KPNA6: variants seen among roughly 807,000 people sequenced by gnomAD.
The protein encoded by KPNA6 is karyopherin subunit alpha 6, also known as importin subunit alpha-7.
In KPNA6, 9 loss-of-function variants were observed where a neutral mutation model predicts 72.0. That is an observed-to-expected ratio of 0.13 (90% CI 0.08 to 0.22). The LOEUF is 0.22. Ranked by LOEUF, KPNA6 falls within the 10% of genes least tolerant of loss-of-function variation. The pLI, the probability that KPNA6 is intolerant of heterozygous loss-of-function variation, is 1.00. For missense variants in KPNA6, 374 were observed against 655.7 expected (o/e 0.57, Z 4.69); for synonymous variants, 219 against 242.1 (o/e 0.90, Z 0.89).
chr1:32,173,291 A>G lies in KPNA6; in HGVS notation c.*2397A>G, dbSNP rs1413861463. 4 of 392,206 alleles carry G rather than the reference A, an allele frequency of 1.0e-5. No homozygotes were observed. Among genetic ancestry groups the G allele is most frequent in the African/African-American group, 2.1e-5 (1 of 48,542 alleles). The allele number at this position is 392,206 out of a possible 1,614,324, so 24.3% of individuals were successfully genotyped here. On this transcript the variant is annotated 3_prime_UTR_variant, in exon 14 of 14. Transcript: ENST00000373625. ...CTCAAGTAAGAGTTAAGTCCCTGAT[A>G]CAGGGACCAGTTTCTTAGTGTAAGA...
At chr1:32,150,444 T>C (rs1165594201) in intron 1 of KPNA6, among the ~76,000 whole-genome samples, 4 of 151,992 alleles carry the variant, frequency 2.6e-5, no homozygotes, top group African/African-American at 4.8e-5. Context: ...ATTTTTAGTC[T>C]TTGCTTGTAA....
chr1:32,133,024 G>A (rs889135074), intron 1 of KPNA6, among the ~76,000 whole-genome samples: 3 of 152,010 alleles, frequency 2.0e-5, no homozygotes, highest in African/African-American at 4.8e-5. Flanking sequence ...TGTGAGCCAC[G>A]GTGCCTGGCC....
intron 1 of KPNA6, among the ~76,000 whole-genome samples, chr1:32,135,634 T>TG (rs1641721023): frequency 9.0e-6 from 1 of 111,182 alleles, no homozygotes; most frequent in East Asian, 3.6e-4. Flanking sequence ...TGCTTGGCCA[T>TG]TTTTTTTTTT....
intron 2 of KPNA6, among the ~76,000 whole-genome samples, chr1:32,156,421 T>C (rs930668202): frequency 6.6e-6 from 1 of 152,228 alleles, no homozygotes; most frequent in Admixed American, 6.5e-5. Context: ...TTTGTGGCTA[T>C]TACTAAGTAA....
At chr1:32,119,862 A>C (rs952186098) in intron 1 of KPNA6, among the ~76,000 whole-genome samples, 7 of 151,098 alleles carry the variant, frequency 4.6e-5, no homozygotes, top group African/African-American at 1.7e-4. Flanking sequence ...CTCCTGCCTC[A>C]GCCTCCCAAG....
rs71006334 is a variant in KPNA6 at position 32,141,375 on chromosome 1, C to CTTTTTTTTTTTTTTTTT, written c.5-13189_5-13173dup. Among the ~76,000 whole-genome samples, 16 of 54,478 alleles carry CTTTTTTTTTTTTTTTTT rather than the reference C, an allele frequency of 2.9e-4. 4 individuals are homozygous for CTTTTTTTTTTTTTTTTT. Among genetic ancestry groups the CTTTTTTTTTTTTTTTTT allele is most frequent in the South Asian group, 4.5e-4 (1 of 2,222 alleles). The allele number at this position is 54,478 out of a possible 152,430, so 35.7% of individuals were successfully genotyped here. On this transcript the variant is annotated intron_variant, in intron 1 of 13. Transcript: ENST00000373625. ...AGGGCTTTTTTTTTTTAAGTTAATC[C>CTTTTTTTTTTTTTTTTT]TTTTTTTTTTTTTTTTTTTTTTTTT...
chr1:32,117,372 C>T (rs1641345159), intron 1 of KPNA6, among the ~76,000 whole-genome samples: 1 of 151,966 alleles, frequency 6.6e-6, no homozygotes, highest in Non-Finnish European at 1.5e-5. Context: ...TGGGGTTTTA[C>T]CATCTTGGCC....
At chr1:32,170,111 A>G (rs768897741) in intron 13 of KPNA6, 51 bp downstream of exon 13, 6 of 1,522,496 alleles carry the variant, frequency 3.9e-6, no homozygotes, top group Non-Finnish European at 5.4e-6. Flanking sequence ...GTAGGCCTCC[A>G]ACGTGGTATA....
intron 1 of KPNA6, among the ~76,000 whole-genome samples, chr1:32,111,449 T>C (rs1222068758): frequency 2.0e-5 from 3 of 152,220 alleles, no homozygotes; most frequent in African/African-American, 7.2e-5. Flanking sequence ...ACTTCCTCTT[T>C]CCAGCTCCAT....
At chr1:32,159,632 G>A (rs1350528743) in intron 6 of KPNA6, 101 bp downstream of exon 6, 2 of 1,345,326 alleles carry the variant, frequency 1.5e-6, no homozygotes, top group Non-Finnish European at 2.0e-6. Flanking sequence ...AAAACTCTTG[G>A]AATTTCCTGA....
At chr1:32,166,295 T>C (rs1286105622) in intron 11 of KPNA6, 65 bp downstream of exon 11, 9 of 1,539,052 alleles carry the variant, frequency 5.8e-6, no homozygotes, top group Non-Finnish European at 7.9e-6. Context: ...TGTTGGAATA[T>C]TTGCTTTCAG....
At chr1:32,122,000 G>A (rs1264052289) in intron 1 of KPNA6, among the ~76,000 whole-genome samples, 5 of 151,220 alleles carry the variant, frequency 3.3e-5, no homozygotes, top group Admixed American at 1.3e-4. Context: ...GAGGCTGGGC[G>A]CGGTGGCTCA....
At position 32,162,537 on chromosome 1, in the gene KPNA6, A is replaced by T; in HGVS notation, c.911+13A>T. 1 of 1,613,384 alleles carries T rather than the reference A, an allele frequency of 6.2e-7. No homozygotes were observed. Among genetic ancestry groups the T allele is most frequent in the Non-Finnish European group, 8.5e-7 (1 of 1,179,946 alleles). On this transcript the variant is annotated intron_variant, in intron 9 of 13. Coordinates refer to ENST00000373625, the MANE Select transcript of KPNA6 (RefSeq NM_012316.5). ...TAGAGCTGCTGATGTGAGTGGTCTT[A>T]GAAGGGGTACAGGTTCTGGCTGGGC...
intron 1 of KPNA6, among the ~76,000 whole-genome samples, chr1:32,142,610 T>A (rs1035275612): frequency 1.3e-5 from 2 of 152,174 alleles, no homozygotes; most frequent in African/African-American, 2.4e-5. Flanking sequence ...ACATTAGACA[T>A]TCCCTAGAAA....
chr1:32,144,366 A>G (rs1641894674), intron 1 of KPNA6, among the ~76,000 whole-genome samples: 1 of 152,258 alleles, frequency 6.6e-6, no homozygotes, highest in South Asian at 2.1e-4. Flanking sequence ...AATTGTTTTT[A>G]TCTGGAAATT....
At chr1:32,144,986 A>G (rs1309518687) in intron 1 of KPNA6, among the ~76,000 whole-genome samples, 1 of 133,796 alleles carries the variant, frequency 7.5e-6, no homozygotes, top group South Asian at 2.4e-4. Context: ...GGAATCTCAC[A>G]CTGTCGCCCA....
chr1:32,156,879 G>C lies in KPNA6; in HGVS notation c.165G>C (p.Leu55=). Residue 55 remains leucine, a synonymous_variant, in exon 3 of 14, where the codon CTG becomes CTC. Transcript: ENST00000373625. ...QQLFKRRNVE[L]INEEAAMFDS... ...TTTTTAAACGGAGAAATGTGGAGCT[G>C]ATTAATGAAGAAGCTGCCATGTTCG... 1 of 1,614,100 alleles carries C rather than the reference G, an allele frequency of 6.2e-7. No homozygotes were observed. Among genetic ancestry groups the C allele is most frequent in the Non-Finnish European group, 8.5e-7 (1 of 1,179,972 alleles).
rs1642152875 is a variant in KPNA6, at chr1:32,156,834, A to G, written c.139-19A>G. 6.3e-7 allele frequency: 1 copy of G among 1,589,484 alleles called. No individual in the cohort carries two copies. Among genetic ancestry groups the G allele is most frequent in the Non-Finnish European group, 8.6e-7 (1 of 1,157,926 alleles). ...TTTGGTTCAGAGAGTACTCTTAACC[A>G]CTGTCTCTTTACTTTCAGCTTTTTA... On this transcript the variant is annotated intron_variant, in intron 2 of 13. Coordinates refer to ENST00000373625, the MANE Select transcript of KPNA6 (RefSeq NM_012316.5).
At position 32,160,703 on chromosome 1, in the gene KPNA6, CGTGA is replaced by C; in HGVS notation, c.647+3_647+6del. On this transcript the variant is annotated splice_donor_variant and splice_donor_region_variant and intron_variant, in intron 7 of 13. Transcript: ENST00000373625. LOFTEE classifies it high-confidence loss of function. ...TGTTCCATCCTTAATCCTTTGTTAA[CGTGA>C]GTAATTATAATCATCTGTACCTGGG... is the stretch of plus-strand genomic sequence containing the variant. 1 of 1,611,160 alleles carries C rather than the reference CGTGA, an allele frequency of 6.2e-7. No homozygotes were observed. Among genetic ancestry groups the C allele is most frequent in the Non-Finnish European group, 8.5e-7 (1 of 1,177,388 alleles).
Sources: allele counts gnomAD v4.1 joint callset (sites outside exome capture counted in the v4.1 genomes callset), GRCh38; gene constraint gnomAD v4.1.1; transcripts MANE v1.5; gene names NCBI Gene and HGNC (gene_info 2026-07-23, HGNC 2026-07-21).